Variants in CHST11 observed in about 807,000 individuals in gnomAD.
The protein encoded by CHST11 is carbohydrate sulfotransferase 11, also known as C4S-1.
A neutral mutation model predicts 30.4 loss-of-function variants in CHST11; 9 were observed. The ratio of observed to expected loss-of-function variants is 0.30; its 90% confidence interval spans 0.18 to 0.52. The LOEUF is 0.52. CHST11 is among the 20% of genes least tolerant of loss of function. The pLI is 0.97. For missense variants in CHST11, 348 were observed against 460.6 expected, an observed-to-expected ratio of 0.76 and a Z score of 2.24; for synonymous variants, 152 against 187.8, an observed-to-expected ratio of 0.81 and a Z score of 1.56.
intron 2 of CHST11, among the ~76,000 whole-genome samples, chr12:104,716,065 AG>A (rs2040128678): frequency 6.6e-6 from 1 of 152,220 alleles, no homozygotes; most frequent in East Asian, 1.9e-4. Flanking sequence ...AGAAAGGTAT[AG>A]CTCAAGCCCC....
At chr12:104,750,918 G>A (rs554761368) in intron 2 of CHST11, among the ~76,000 whole-genome samples, 129 of 152,264 alleles carry the variant, frequency 8.5e-4, no homozygotes, top group African/African-American at 3.0e-3. Context: ...AGGCCCAGGT[G>A]AATTTCTCTC....
chr12:104,562,405 C>T (rs564676428), intron 1 of CHST11, among the ~76,000 whole-genome samples: 2 of 152,222 alleles, frequency 1.3e-5, no homozygotes, highest in South Asian at 2.1e-4. Context: ...CCATCTTCCC[C>T]CTGCACCTGA....
chr12:104,473,527 G>C (rs2037530590), intron 1 of CHST11, among the ~76,000 whole-genome samples: 1 of 152,154 alleles, frequency 6.6e-6, no homozygotes, highest in Non-Finnish European at 1.5e-5. Flanking sequence ...GTGAAGGATG[G>C]AGAACAAAGT....
At chr12:104,592,670 T>C (rs906060122) in intron 1 of CHST11, among the ~76,000 whole-genome samples, 1 of 152,250 alleles carries the variant, frequency 6.6e-6, no homozygotes, top group African/African-American at 2.4e-5. Flanking sequence ...TTGAGGATAC[T>C]TTCCCTAACC....
At chr12:104,645,653 C>A (rs546780396) in intron 2 of CHST11, among the ~76,000 whole-genome samples, 1 of 147,832 alleles carries the variant, frequency 6.8e-6, no homozygotes, top group Non-Finnish European at 1.5e-5. Flanking sequence ...GTCCTTCCCC[C>A]CCACCCTCCC....
rs1262015573 is a variant in CHST11 at position 104,552,895 on chromosome 12, G to A, written c.119-49011G>A. ...CTAGCAGGATGCCTAGCACATAGTA[G>A]GTACTCAAATTGTGTTGAGAAGAAG... On this transcript the variant is annotated intron_variant, in intron 1 of 2. Transcript: ENST00000303694. The A allele has an allele frequency of 3.3e-5, 5 of 152,322 alleles. No homozygotes were observed. In the East Asian group the frequency reaches 9.6e-4, roughly 29 times the overall value. The allele number at this position is 152,322 out of a possible 1,614,324, so 9.4% of individuals were successfully genotyped here.
At chr12:104,492,309 G>A (rs2037755481) in intron 1 of CHST11, among the ~76,000 whole-genome samples, 1 of 152,144 alleles carries the variant, frequency 6.6e-6, no homozygotes, top group South Asian at 2.1e-4. Flanking sequence ...TGTTAGCCAG[G>A]ATGGTCTTGA....
intron 2 of CHST11, among the ~76,000 whole-genome samples, chr12:104,707,237 A>T (rs1239578309): frequency 1.3e-5 from 2 of 152,230 alleles, no homozygotes; most frequent in African/African-American, 2.4e-5. Context: ...GCACAAAGTA[A>T]CTGCTCAGTG....
At chr12:104,719,053 C>G (rs994189524) in intron 2 of CHST11, among the ~76,000 whole-genome samples, 1 of 152,156 alleles carries the variant, frequency 6.6e-6, no homozygotes, top group African/African-American at 2.4e-5. Context: ...GAATGGGGCA[C>G]AGTAAACCCA....
At chr12:104,754,697 A>G (rs927212631) in intron 2 of CHST11, among the ~76,000 whole-genome samples, 1 of 152,156 alleles carries the variant, frequency 6.6e-6, no homozygotes, top group East Asian at 1.9e-4. Flanking sequence ...GCAAAGGGGA[A>G]TGCACATCGG....
intron 1 of CHST11, among the ~76,000 whole-genome samples, chr12:104,576,554 G>A (rs1314234939): frequency 3.9e-5 from 6 of 152,158 alleles, no homozygotes; most frequent in Admixed American, 6.5e-5. Flanking sequence ...AAAGAGCAAC[G>A]GACTCTTCAG....
intron 1 of CHST11, chr12:104,589,061 A>C (rs775940216): frequency 3.3e-5 from 5 of 152,136 alleles, no homozygotes; most frequent in Non-Finnish European, 7.3e-5. Context: ...AGCCAGACAC[A>C]AAAGGACAGA....
intron 1 of CHST11, among the ~76,000 whole-genome samples, chr12:104,476,432 C>A (rs2037563977): frequency 6.6e-6 from 1 of 151,884 alleles, no homozygotes; most frequent in Non-Finnish European, 1.5e-5. Flanking sequence ...CCATGTAGCA[C>A]CGAATCATGG....
At chr12:104,712,516 A>G (rs912066251) in intron 2 of CHST11, among the ~76,000 whole-genome samples, 1 of 152,174 alleles carries the variant, frequency 6.6e-6, no homozygotes, top group Non-Finnish European at 1.5e-5. Flanking sequence ...CAAGGTCAAA[A>G]TCCAGGTCTG....
chr12:104,531,657 T>C (rs1024918400), intron 1 of CHST11, among the ~76,000 whole-genome samples: 12 of 152,202 alleles, frequency 7.9e-5, no homozygotes, highest in African/African-American at 2.9e-4. Context: ...ATTTCTTCCC[T>C]TGTGTTACTG....
At chr12:104,637,536 C>T (rs2039337523) in intron 2 of CHST11, among the ~76,000 whole-genome samples, 1 of 152,110 alleles carries the variant, frequency 6.6e-6, no homozygotes, top group African/African-American at 2.4e-5. Flanking sequence ...AATGCCCAGC[C>T]TGTATCCAGA....
At chr12:104,512,916 G>A (rs552027281) in intron 1 of CHST11, among the ~76,000 whole-genome samples, 2 of 152,142 alleles carry the variant, frequency 1.3e-5, no homozygotes, top group East Asian at 1.9e-4. Flanking sequence ...TTTTCTTGGA[G>A]ACTCCATTAG....
At chr12:104,566,427 C>G (rs2038567757) in intron 1 of CHST11, among the ~76,000 whole-genome samples, 1 of 152,176 alleles carries the variant, frequency 6.6e-6, no homozygotes, top group African/African-American at 2.4e-5. Flanking sequence ...TAATTTTAGA[C>G]TCACACAGGA....
chr12:104,705,444 G>A (rs2040024146), intron 2 of CHST11, among the ~76,000 whole-genome samples: 1 of 152,152 alleles, frequency 6.6e-6, no homozygotes, highest in African/African-American at 2.4e-5. Flanking sequence ...AATGGGAGCT[G>A]TTATTCATTG....
Sources: gnomAD v4.1 joint callset for allele counts (sites outside exome capture counted in the v4.1 genomes callset) on GRCh38, gnomAD v4.1.1 for gene constraint, MANE v1.5 for transcripts, NCBI Gene and HGNC (gene_info 2026-07-23, HGNC 2026-07-21) for gene names.